The following ALK variants were observed in gnomAD, a reference collection of about 807,000 sequenced individuals.
The protein encoded by ALK is ALK receptor tyrosine kinase.
In ALK, 74 loss-of-function variants were observed where a neutral mutation model predicts 163.1. The observed-to-expected ratio is 0.45, with a 90% CI of 0.38 to 0.55. ALK has a LOEUF of 0.55. ALK is among the 20% of genes least tolerant of loss of function. The probability of loss-of-function intolerance (pLI) is 0.00; values close to 1 mark genes in which losing one functional copy is unlikely to be tolerated. For synonymous variants in ALK, 960 were observed against 843.2 expected, an observed-to-expected ratio of 1.14 and a Z score of -2.40; for missense variants, 2,063 against 2,105.3, an observed-to-expected ratio of 0.98 and a Z score of 0.39.
chr2:29,530,233 T>C (rs770567758), intron 4 of ALK, among the ~76,000 whole-genome samples: 15 of 152,286 alleles, frequency 9.8e-5, no homozygotes, highest in Non-Finnish European at 1.0e-4. Context: ...TAAATGAGAA[T>C]TGACTTCCTA....
chr2:29,383,661 A>G, intron 5 of ALK, 71 bp downstream of exon 5: 11 of 1,604,436 alleles, frequency 6.9e-6, no homozygotes, highest in Non-Finnish European at 9.4e-6. Flanking sequence ...CCAGCCAAAC[A>G]TGGTTGCAGG....
intron 1 of ALK, among the ~76,000 whole-genome samples, chr2:29,759,645 G>T (rs999600224): frequency 1.8e-4 from 28 of 152,286 alleles, no homozygotes; most frequent in Admixed American, 1.5e-3. Flanking sequence ...ATCATCACAA[G>T]AGAGATGTCC....
intron 4 of ALK, among the ~76,000 whole-genome samples, chr2:29,428,364 C>T (rs1357468288): frequency 2.0e-5 from 3 of 151,932 alleles, no homozygotes; most frequent in African/African-American, 7.2e-5. Flanking sequence ...CATAAATCTT[C>T]ACCTAGGGTG....
At chr2:29,346,458 G>T (rs1461914910) in intron 5 of ALK, among the ~76,000 whole-genome samples, 2 of 152,338 alleles carry the variant, frequency 1.3e-5, no homozygotes, top group East Asian at 3.9e-4. Context: ...ACCTTACCCA[G>T]GCCTGGGCCA....
intron 1 of ALK, among the ~76,000 whole-genome samples, chr2:29,901,861 T>C (rs72798435): frequency 0.044 from 6,672 of 152,272 alleles, 208 homozygotes; most frequent in Middle Eastern, 0.061. Context: ...GTTTATTGTG[T>C]TCCTCAGTTT....
chr2:29,349,102 A>G (rs1668036653), intron 5 of ALK, among the ~76,000 whole-genome samples: 1 of 152,146 alleles, frequency 6.6e-6, no homozygotes, highest in Admixed American at 6.5e-5. Context: ...GTAAGTCTTG[A>G]TGAATGTTGG....
chr2:29,819,101 C>T (rs1324713619), intron 1 of ALK, among the ~76,000 whole-genome samples: 1 of 152,186 alleles, frequency 6.6e-6, no homozygotes, highest in African/African-American at 2.4e-5. Flanking sequence ...TCCCTCCAAT[C>T]AGGATCATCA....
intron 3 of ALK, among the ~76,000 whole-genome samples, chr2:29,688,990 A>G (rs1224791578): frequency 1.3e-5 from 2 of 152,118 alleles, no homozygotes; most frequent in African/African-American, 4.8e-5. Context: ...CACTTTTGGG[A>G]GAAAGATCAG....
chr2:29,460,132 T>C (rs949516817), intron 4 of ALK, among the ~76,000 whole-genome samples: 1 of 152,156 alleles, frequency 6.6e-6, no homozygotes, highest in Admixed American at 6.5e-5. Context: ...CACAGCAAGA[T>C]GTGGGGGCTG....
intron 3 of ALK, among the ~76,000 whole-genome samples, chr2:29,630,177 G>C (rs554539297): frequency 2.0e-4 from 31 of 152,240 alleles, no homozygotes; most frequent in Non-Finnish European, 3.5e-4. Flanking sequence ...CTTGATTGGA[G>C]AACAACAGTC....
chr2:29,481,051 T>C (rs1671648921), intron 4 of ALK, among the ~76,000 whole-genome samples: 1 of 152,192 alleles, frequency 6.6e-6, no homozygotes, highest in African/African-American at 2.4e-5. Flanking sequence ...TGTATTCCTG[T>C]AATGGGGGCC....
At chr2:29,738,469 C>G (rs1679956764) in intron 1 of ALK, among the ~76,000 whole-genome samples, 1 of 152,058 alleles carries the variant, frequency 6.6e-6, no homozygotes, top group African/African-American at 2.4e-5. Context: ...ATGTGGCCAT[C>G]TACTACTTTG....
chr2:29,656,942 G>A (rs960563660), intron 3 of ALK, among the ~76,000 whole-genome samples: 4 of 152,196 alleles, frequency 2.6e-5, no homozygotes, highest in African/African-American at 9.6e-5. Context: ...AGGGCATGGT[G>A]TCTCCCTCTT....
intron 9 of ALK, among the ~76,000 whole-genome samples, chr2:29,286,051 G>T (rs1468269265): frequency 1.3e-5 from 2 of 152,202 alleles, no homozygotes; most frequent in Non-Finnish European, 1.5e-5. Flanking sequence ...GGAATGCCTT[G>T]TCCCTTTTCC....
intron 1 of ALK, among the ~76,000 whole-genome samples, chr2:29,750,239 G>A (rs1455033047): frequency 6.6e-6 from 1 of 152,180 alleles, no homozygotes; most frequent in African/African-American, 2.4e-5. Flanking sequence ...CCTACTATAT[G>A]CCTAGGCTAT....
intron 1 of ALK, among the ~76,000 whole-genome samples, chr2:29,886,620 T>G (rs559753169): frequency 6.6e-6 from 1 of 152,218 alleles, no homozygotes; most frequent in Non-Finnish European, 1.5e-5. Flanking sequence ...TGTGGTCAAG[T>G]GCATCTCAGT....
intron 5 of ALK, among the ~76,000 whole-genome samples, chr2:29,356,992 A>G (rs547176565): frequency 6.6e-6 from 1 of 152,224 alleles, no homozygotes; most frequent in Admixed American, 6.5e-5. Context: ...AGCCACAACA[A>G]ACTACTCACA....
intron 3 of ALK, among the ~76,000 whole-genome samples, chr2:29,598,140 G>A (rs1269102434): frequency 6.6e-6 from 1 of 152,158 alleles, no homozygotes. Flanking sequence ...CGATTCTCCT[G>A]CCTCACCTCC....
At chr2:29,478,503 C>T (rs981821886) in intron 4 of ALK, among the ~76,000 whole-genome samples, 7 of 152,230 alleles carry the variant, frequency 4.6e-5, no homozygotes, top group Non-Finnish European at 7.3e-5. Flanking sequence ...CTTCTTTCCA[C>T]GACTCCTCCT....
Sources: allele counts gnomAD v4.1 joint callset (sites outside exome capture counted in the v4.1 genomes callset), GRCh38; gene constraint gnomAD v4.1.1; transcripts MANE v1.5; gene names NCBI Gene and HGNC (gene_info 2026-07-23, HGNC 2026-07-21).